Variants in CFAP161 observed in about 807,000 individuals in gnomAD.
CFAP161 encodes the protein cilia and flagella associated protein 161, also known as cilia- and flagella-associated protein 161.
CFAP161 carries 25 observed loss-of-function variants against 29.0 expected under a neutral mutation model. That is an observed-to-expected ratio of 0.86 (90% CI 0.63 to 1.20). The LOEUF (loss-of-function observed/expected upper bound fraction) is 1.20, where lower values mean the gene tolerates loss of function less well. Ranked by LOEUF, CFAP161 falls within the 50% of genes most tolerant of loss-of-function variation. CFAP161 has a pLI of 0.00. For synonymous variants in CFAP161, 116 were observed against 137.4 expected, an observed-to-expected ratio of 0.84 and a Z score of 1.09; for missense variants, 367 against 371.9, an observed-to-expected ratio of 0.99 and a Z score of 0.11.
upstream of CFAP161, among the ~76,000 whole-genome samples, chr15:81,132,049 G>C (rs1420418864): frequency 6.6e-6 from 1 of 152,116 alleles, no homozygotes; most frequent in East Asian, 1.9e-4. Context: ...GGCTGAGGAG[G>C]GCCGATCACT....
At chr15:81,139,583 A>G (rs925870776) in intron 4 of CFAP161, among the ~76,000 whole-genome samples, 2 of 152,204 alleles carry the variant, frequency 1.3e-5, no homozygotes, top group African/African-American at 2.4e-5. Context: ...ATGAGAGCAT[A>G]AGATATAATT....
intron 4 of CFAP161, among the ~76,000 whole-genome samples, chr15:81,140,111 G>T (rs1314298651): frequency 6.6e-6 from 1 of 151,466 alleles, no homozygotes; most frequent in African/African-American, 2.4e-5. Flanking sequence ...CCTTTGTGTT[G>T]ATTTGGGTTT....
intron 5 of CFAP161, among the ~76,000 whole-genome samples, chr15:81,147,291 C>G (rs890972403): frequency 2.6e-5 from 4 of 152,094 alleles, no homozygotes; most frequent in East Asian, 1.9e-4. Flanking sequence ...CCTCTCCCCC[C>G]CAGTACCCGC....
intron 1 of CFAP161, among the ~76,000 whole-genome samples, chr15:81,114,716 T>A (rs1000190643): frequency 6.6e-6 from 1 of 152,146 alleles, no homozygotes; most frequent in African/African-American, 2.4e-5. Flanking sequence ...CAGGCTGGAG[T>A]GCAGTGGCGC....
At chr15:81,133,220 TATA>T (rs1894744753), upstream of CFAP161, among the ~76,000 whole-genome samples, 6 of 30,340 alleles carry the variant, frequency 2.0e-4, no homozygotes, top group African/African-American at 4.8e-4. Context: ...TATATATATA[TATA>T]TGTATTTTTT....
chr15:81,145,844 G>T (rs1321312232), intron 5 of CFAP161, among the ~76,000 whole-genome samples: 1 of 152,208 alleles, frequency 6.6e-6, no homozygotes, highest in African/African-American at 2.4e-5. Flanking sequence ...TTGGGCTTTG[G>T]TTGGGTGGTG....
At chr15:81,137,272 G>A (rs867651112) in intron 3 of CFAP161, among the ~76,000 whole-genome samples, 13 of 152,186 alleles carry the variant, frequency 8.5e-5, no homozygotes, top group African/African-American at 1.2e-4. Flanking sequence ...TTACTAATTC[G>A]TATGACAGCA....
chr15:81,148,544 A>G lies in CFAP161; in HGVS notation c.*11A>G, dbSNP rs762476616. On this transcript the variant is annotated 3_prime_UTR_variant, in exon 7 of 7. Coordinates refer to ENST00000286732, the MANE Select transcript of CFAP161 (RefSeq NM_173528.4). The stretch of plus-strand genomic sequence containing the variant: ...CTTGACACGCAGTAACACGCCAGGC[A>G]CGTGCATGTTTTCCCTGGTCCCGCT... The G allele has an allele frequency of 2.1e-5, 34 of 1,604,106 alleles. No homozygotes were observed. The South Asian group carries it at 3.6e-4, about 17-fold the overall frequency.
At chr15:81,112,981 A>C (rs1467146292) in intron 1 of CFAP161, among the ~76,000 whole-genome samples, 1 of 152,188 alleles carries the variant, frequency 6.6e-6, no homozygotes, top group Admixed American at 6.5e-5. Context: ...CTTGGCTTTG[A>C]GAGTTTTTGA....
intron 1 of CFAP161, among the ~76,000 whole-genome samples, chr15:81,109,070 C>G (rs1395025732): frequency 2.0e-5 from 3 of 152,142 alleles, no homozygotes; most frequent in Non-Finnish European, 4.4e-5. Flanking sequence ...GAGAAGGGCT[C>G]TCCAGTGAAG....
At chr15:81,135,156 C>A (rs1237741610) in intron 1 of CFAP161, 114 bp from the exon 2 acceptor site, 2 of 586,132 alleles carry the variant, frequency 3.4e-6, no homozygotes, top group Non-Finnish European at 6.0e-6. Flanking sequence ...ATGCTCACAT[C>A]TCTTTTTTTG....
At chr15:81,127,804 A>G (rs1181426224) in intron 2 of CFAP161, 3 of 152,178 alleles carry the variant, frequency 2.0e-5, no homozygotes, top group East Asian at 1.9e-4. Flanking sequence ...TTGACACCAT[A>G]TATGTCACCC....
At chr15:81,118,558 G>C (rs1027357771) in intron 1 of CFAP161, among the ~76,000 whole-genome samples, 1 of 152,230 alleles carries the variant, frequency 6.6e-6, no homozygotes, top group Non-Finnish European at 1.5e-5. Flanking sequence ...AGCGCCACCT[G>C]GCCCCGCGCT....
Position 81,134,318 on chromosome 15 carries a change from C to G in CFAP161, c.-12C>G, listed in dbSNP as rs368612436. Reference sequence around the variant, plus strand: ...GTCGGAGGGAGGCCCACTTGCTGAACAGCAGGGAGCGATGGCGCAGAACGT... The same window carrying G: ...GTCGGAGGGAGGCCCACTTGCTGAAGAGCAGGGAGCGATGGCGCAGAACGT... On this transcript the variant is annotated 5_prime_UTR_variant, in exon 1 of 7. Coordinates refer to ENST00000286732, the MANE Select transcript of CFAP161 (RefSeq NM_173528.4). The G allele has an allele frequency of 3.8e-6, 6 of 1,581,192 alleles. No homozygotes were observed. The Admixed American group carries it at 7.5e-5, about 20-fold the overall frequency.
At chr15:81,140,945 G>A (rs368485244) in intron 4 of CFAP161, among the ~76,000 whole-genome samples, 39 of 152,036 alleles carry the variant, frequency 2.6e-4, no homozygotes, top group African/African-American at 9.2e-4. Context: ...TTTATGATAG[G>A]GCTCATAGCC....
At chr15:81,118,599 T>C (rs1376374486) in intron 1 of CFAP161, among the ~76,000 whole-genome samples, 8 of 152,122 alleles carry the variant, frequency 5.3e-5, no homozygotes, top group Non-Finnish European at 1.0e-4. Flanking sequence ...TGGCGGGCAG[T>C]CGCGCTAAAC....
chr15:81,101,639 C>G (rs1213256108), intron 1 of CFAP161, among the ~76,000 whole-genome samples: 1 of 150,646 alleles, frequency 6.6e-6, no homozygotes, highest in African/African-American at 2.4e-5. Flanking sequence ...GCAGGAGGCT[C>G]TGGGCAATAG....
At chr15:81,105,830 A>T (rs190136832) in intron 1 of CFAP161, among the ~76,000 whole-genome samples, 59 of 152,350 alleles carry the variant, frequency 3.9e-4, no homozygotes, top group African/African-American at 1.3e-3. Flanking sequence ...ATTTATGATA[A>T]TATGAGTGTT....
At chr15:81,121,070 G>T (rs1894566544) in intron 1 of CFAP161, among the ~76,000 whole-genome samples, 1 of 152,130 alleles carries the variant, frequency 6.6e-6, no homozygotes, top group Admixed American at 6.5e-5. Flanking sequence ...TCAATCTTTA[G>T]AAAAACTTTT....
Sources: allele counts gnomAD v4.1 joint callset (sites outside exome capture counted in the v4.1 genomes callset), GRCh38; gene constraint gnomAD v4.1.1; transcripts MANE v1.5; gene names NCBI Gene and HGNC (gene_info 2026-07-23, HGNC 2026-07-21).